Variants in HNRNPH1 observed in about 807,000 individuals in gnomAD.
HNRNPH1 encodes the protein heterogeneous nuclear ribonucleoprotein H.
A neutral mutation model predicts 58.6 loss-of-function variants in HNRNPH1; 4 were observed. That is an observed-to-expected ratio of 0.07 (90% CI 0.03 to 0.16). HNRNPH1 has a LOEUF of 0.16. Ranked by LOEUF, HNRNPH1 falls within the 10% of genes least tolerant of loss-of-function variation. The pLI, the probability that HNRNPH1 is intolerant of heterozygous loss-of-function variation, is 1.00. For missense variants in HNRNPH1, 271 were observed against 564.2 expected (o/e 0.48, Z 5.26); for synonymous variants, 192 against 189.2 (o/e 1.01, Z -0.12).
chr5:179,629,907 C>A (rs907725877), intron 2 of HNRNPH1, among the ~76,000 whole-genome samples: 4 of 151,984 alleles, frequency 2.6e-5, no homozygotes, highest in Non-Finnish European at 4.4e-5. Flanking sequence ...TGCCTGTAAT[C>A]TCAGCTACTT....
At chr5:179,630,952 A>T (rs539356961) in intron 2 of HNRNPH1, among the ~76,000 whole-genome samples, 1 of 152,084 alleles carries the variant, frequency 6.6e-6, no homozygotes, top group African/African-American at 2.4e-5. Context: ...AAAAACAAAA[A>T]CAAAAATCAA....
In HNRNPH1 at chr5:179,616,706, C is replaced by T. The variant is rs922543819; in HGVS notation, c.1207+163G>A. 23 of 651,808 alleles carry T rather than the reference C, an allele frequency of 3.5e-5. 1 individual carries two copies. The highest frequency in any genetic ancestry group is 3.1e-4 in the South Asian group (15 of 48,770). 40.4% of individuals were successfully genotyped at this position (651,808 alleles called of 1,614,324 possible). ...TTATCTATCCTAAGGAACTTCATAA[C>T]TCACAAGGATTTAAGTAAGCCAGAT... On this transcript the variant is annotated intron_variant, in intron 10 of 12. Transcript: ENST00000356731.
chr5:179,615,013 T>TA, intron 12 of HNRNPH1, 54 bp from the exon 14 acceptor site: 1 of 1,041,700 alleles, frequency 9.6e-7, no homozygotes, highest in East Asian at 2.6e-5. Flanking sequence ...ACCAGTCAAA[T>TA]AAAATATAGT....
chr5:179,617,142 T>C (rs1176441802), intron 8 of HNRNPH1, 32 bp from the exon 10 acceptor site: 1 of 1,601,568 alleles, frequency 6.2e-7, no homozygotes, highest in African/African-American at 1.3e-5. Context: ...TTGAAAATGT[T>C]TGTTGGTGAA....
chr5:179,628,023 A>T (rs1025851813), upstream of HNRNPH1, among the ~76,000 whole-genome samples: 7 of 151,696 alleles, frequency 4.6e-5, no homozygotes, highest in Non-Finnish European at 5.9e-5. Flanking sequence ...GGGTTTCACC[A>T]TGTTGGCCAG....
At chr5:179,632,858 T>C (rs1174204552) in intron 2 of HNRNPH1, among the ~76,000 whole-genome samples, 107 of 136,098 alleles carry the variant, frequency 7.9e-4, no homozygotes, top group African/African-American at 2.8e-3. Context: ...CGAATTTTTT[T>C]TTTTTTTTTT....
intron 10 of HNRNPH1, chr5:179,616,568 G>A: frequency 4.0e-6 from 2 of 506,150 alleles, no homozygotes; most frequent in Non-Finnish European, 7.0e-6. Context: ...ACCTAATTAT[G>A]CCCACATTTA....
Position 179,617,340 on chromosome 5 carries a change from G to A in HNRNPH1, c.1057+174C>T, listed in dbSNP as rs1006178045. Reference sequence around the variant, plus strand: ...TTCAAGATGTGCATATCACAAATCCGTTATACTAATTTTTAAAACCCAAAC... The same window carrying A: ...TTCAAGATGTGCATATCACAAATCCATTATACTAATTTTTAAAACCCAAAC... On this transcript the variant is annotated intron_variant, in intron 8 of 12. Transcript: ENST00000356731. 68 of 784,384 alleles carry A rather than the reference G, an allele frequency of 8.7e-5. 1 individual carries two copies. The highest frequency in any genetic ancestry group is 1.0e-4 in the Non-Finnish European group (51 of 492,488). 48.6% of individuals were successfully genotyped at this position (784,384 alleles called of 1,614,324 possible).
intron 3 of HNRNPH1, among the ~76,000 whole-genome samples, chr5:179,620,295 A>G (rs1207052980): frequency 6.6e-6 from 1 of 152,234 alleles, no homozygotes; most frequent in Non-Finnish European, 1.5e-5. Flanking sequence ...TCTTCAGCAT[A>G]AAAACATTCA....
Position 179,618,093 on chromosome 5 carries a change from C to T in HNRNPH1, c.716-33G>A, listed in dbSNP as rs772688424. 8 of 1,613,574 alleles carry T rather than the reference C, an allele frequency of 5.0e-6. No homozygotes were observed. In the South Asian group the frequency reaches 7.7e-5, roughly 16 times the overall value. ...ACAAAGTACAATCAATCAAATAAAA[C>T]ACCTAGACAAAGGAACAGACGACTT... On this transcript the variant is annotated intron_variant, in intron 5 of 12. Transcript: ENST00000356731.
chr5:179,625,991 G>C (rs11740165), upstream of HNRNPH1, among the ~76,000 whole-genome samples: 14,086 of 151,670 alleles, frequency 0.093, 853 homozygotes, highest in Middle Eastern at 0.14. Flanking sequence ...GTCTCATTTT[G>C]TTGCCCAGGC....
chr5:179,624,152 C>G (rs1774080978), exon 1 of HNRNPH1: 1 of 194,532 alleles, frequency 5.1e-6, no homozygotes, highest in East Asian at 1.2e-4. Context: ...CGTTCCCACT[C>G]CCCGCGCCGC....
upstream of HNRNPH1, among the ~76,000 whole-genome samples, chr5:179,625,676 A>G (rs1449418224): frequency 6.6e-6 from 1 of 151,056 alleles, no homozygotes. Context: ...AAAAAAAAAA[A>G]GAATAGTAGT....
In HNRNPH1 at chr5:179,620,711, ACTT is replaced by A. The variant is rs1581698478; in HGVS notation, c.397+178_397+180del. 23 of 587,124 alleles carry A rather than the reference ACTT, an allele frequency of 3.9e-5. No individual in the cohort carries two copies. In the East Asian group the frequency reaches 6.2e-4, roughly 16 times the overall value. 36.4% of individuals were successfully genotyped at this position (587,124 alleles called of 1,614,324 possible). A position where few individuals can be genotyped will look rare whatever the true frequency, so the allele number is the denominator to read the frequency against. On this transcript the variant is annotated intron_variant, in intron 3 of 12. Coordinates refer to ENST00000356731, the Ensembl canonical transcript of HNRNPH1. ...TAGGCAAAGTTAACATTTTGGAAGT[ACTT>A]CATTTCCACCTTTAAGATGGGCTTA...
intron 10 of HNRNPH1, 81 bp downstream of exon 11, chr5:179,616,788 A>T: frequency 8.2e-7 from 1 of 1,219,640 alleles, no homozygotes; most frequent in Non-Finnish European, 1.2e-6. Context: ...TAAACTTATT[A>T]AATAAATAGA....
At chr5:179,629,649 G>C (rs1035535253), upstream of HNRNPH1, among the ~76,000 whole-genome samples, 2 of 152,090 alleles carry the variant, frequency 1.3e-5, no homozygotes, top group Non-Finnish European at 2.9e-5. Flanking sequence ...TTTTAGATTT[G>C]ATGGAAACTG....
chr5:179,632,738 AG>A (rs1774947120), intron 2 of HNRNPH1, among the ~76,000 whole-genome samples: 1 of 144,330 alleles, frequency 6.9e-6, no homozygotes, highest in Non-Finnish European at 1.5e-5. Context: ...CACTGTCTAA[AG>A]CCAAATCAAA....
chr5:179,620,023 A>C (rs1771560067), intron 3 of HNRNPH1: 1 of 152,226 alleles, frequency 6.6e-6, no homozygotes. Flanking sequence ...TACAAAAAGG[A>C]CTTAAAGCAC....
In HNRNPH1 at chr5:179,614,973, A is replaced by G. The variant is rs983305144; in HGVS notation, c.*1-14T>C. The G allele has an allele frequency of 7.0e-7, 1 of 1,434,178 alleles. No homozygotes were observed. The highest frequency in any genetic ancestry group is 9.6e-7 in the Non-Finnish European group (1 of 1,040,914). 88.8% of individuals were successfully genotyped at this position (1,434,178 alleles called of 1,614,324 possible). A position where few individuals can be genotyped will look rare whatever the true frequency, so the allele number is the denominator to read the frequency against. On this transcript the variant is annotated splice_polypyrimidine_tract_variant and intron_variant, in intron 12 of 12. Coordinates refer to ENST00000356731, the Ensembl canonical transcript of HNRNPH1. ...CTCCTTGGTTACCTGCAAAGAGATC[A>G]ATTTGACAAGTTAGGAGTAATATCA...
Sources: allele counts gnomAD v4.1 joint callset (sites outside exome capture counted in the v4.1 genomes callset), GRCh38; gene constraint gnomAD v4.1.1; transcripts MANE v1.5; gene names NCBI Gene and HGNC (gene_info 2026-07-23, HGNC 2026-07-21).